The following CCDC33 variants were observed in gnomAD, a reference collection of about 807,000 sequenced individuals.
CCDC33 encodes the protein coiled-coil domain containing 33.
CCDC33 carries 94 observed loss-of-function variants against 91.9 expected under a neutral mutation model. That is an observed-to-expected ratio of 1.02 (90% CI 0.87 to 1.21). The LOEUF (loss-of-function observed/expected upper bound fraction) is 1.21, where lower values mean the gene tolerates loss of function less well. Among genes scored for constraint, CCDC33 ranks in the 50% most tolerant of loss-of-function variants. The pLI is 0.00. For missense variants in CCDC33, 940 were observed against 935.5 expected, an observed-to-expected ratio of 1.00 and a Z score of -0.06; for synonymous variants, 396 against 374.5, an observed-to-expected ratio of 1.06 and a Z score of -0.66.
In CCDC33 at chr15:74,244,525, T is replaced by G. The variant is rs1278657320; in HGVS notation, c.185+377T>G. Among the ~76,000 whole-genome samples, 1 of 151,994 alleles carries G rather than the reference T, an allele frequency of 6.6e-6. No homozygotes were observed. Among genetic ancestry groups the G allele is most frequent in the Non-Finnish European group, 1.5e-5 (1 of 67,960 alleles). ...GGACCTGCCTCTCCTGACTTCTGGG[T>G]GCCCCACCCCACCATACCCAGCCCT... On this transcript the variant is annotated intron_variant, in intron 2 of 18. Coordinates refer to ENST00000398814, the MANE Select transcript of CCDC33 (RefSeq NM_025055.5). This position sits in a 1 kb window ranked among gnomAD's most constrained non-coding sequence, Gnocchi z 4.2.
intron 10 of CCDC33, 122 bp from the exon 11 acceptor site, chr15:74,295,632 C>T (rs1428600904): frequency 8.9e-6 from 7 of 787,148 alleles, no homozygotes; most frequent in Non-Finnish European, 1.4e-5. Flanking sequence ...GTGCACGGGC[C>T]AGCCATGCAG....
chr15:74,335,837 G>C (rs1567048188), intron 18 of CCDC33, 88 bp from the exon 19 acceptor site: 1 of 1,007,068 alleles, frequency 9.9e-7, no homozygotes, highest in Non-Finnish European at 1.5e-6. Context: ...TGGATACTCT[G>C]AGGCCTGGTT....
intron 3 of CCDC33, 71 bp from the exon 4 acceptor site, chr15:74,266,607 C>T: frequency 1.9e-6 from 2 of 1,076,994 alleles, no homozygotes; most frequent in South Asian, 2.6e-5. Context: ...TCACCTCTCA[C>T]TGTCTCTCCT....
At chr15:74,324,261 G>A (rs1370583589) in intron 11 of CCDC33, among the ~76,000 whole-genome samples, 1 of 151,922 alleles carries the variant, frequency 6.6e-6, no homozygotes, top group Non-Finnish European at 1.5e-5. Flanking sequence ...CGGCTCTTTT[G>A]CTCACCTTGA....
At chr15:74,267,566 C>G (rs2076200325) in intron 4 of CCDC33, among the ~76,000 whole-genome samples, 1 of 151,054 alleles carries the variant, frequency 6.6e-6, no homozygotes, top group African/African-American at 2.5e-5. Context: ...TACTATGTGC[C>G]AGGTAGTGAG....
chr15:74,308,358 G>GACACACACACACACACACAC (rs3057604), intron 11 of CCDC33, among the ~76,000 whole-genome samples: 1 of 145,902 alleles, frequency 6.9e-6, no homozygotes, highest in African/African-American at 2.6e-5. Flanking sequence ...CAGACAGACA[G>GACACACACACACACACACAC]ACACACACAC....
chr15:74,236,961 G>C (rs940036865), intron 1 of CCDC33, among the ~76,000 whole-genome samples: 2 of 152,234 alleles, frequency 1.3e-5, no homozygotes, highest in Non-Finnish European at 2.9e-5. Context: ...CAGTGTACTT[G>C]CAGGTGTTGT....
At chr15:74,281,459 G>A (rs1295196074) in intron 9 of CCDC33, among the ~76,000 whole-genome samples, 4 of 152,208 alleles carry the variant, frequency 2.6e-5, no homozygotes, top group African/African-American at 4.8e-5. Context: ...GAATAATATC[G>A]TTACCATCAT....
intron 11 of CCDC33, among the ~76,000 whole-genome samples, chr15:74,327,895 A>G (rs1159491695): frequency 6.6e-6 from 1 of 152,184 alleles, no homozygotes; most frequent in African/African-American, 2.4e-5. Flanking sequence ...GTGTGTCAGT[A>G]TAATAAAATC....
At chr15:74,296,608 A>G (rs2059692751) in intron 11 of CCDC33, among the ~76,000 whole-genome samples, 1 of 152,192 alleles carries the variant, frequency 6.6e-6, no homozygotes, top group African/African-American at 2.4e-5. Flanking sequence ...CCTGGGCAAC[A>G]AGAGTGAAAC....
chr15:74,295,918 A>G lies in CCDC33; in HGVS notation c.1260A>G (p.Glu420=), dbSNP rs772176628. ...STSTPREAEE[E]PLVPEMSHDT... ...CCACTCCACGAGAAGCAGAGGAGGA[A>G]CCTCTGGTGCCTGAGATGTCCCATG... Residue 420 remains glutamate (E), a synonymous_variant, in exon 11 of 19, where the codon GAA becomes GAG. Transcript: ENST00000398814. 1 of 1,613,542 alleles carries G rather than the reference A, an allele frequency of 6.2e-7. No individual in the cohort carries two copies. Among genetic ancestry groups the G allele is most frequent in the Non-Finnish European group, 8.5e-7 (1 of 1,179,782 alleles).
intron 7 of CCDC33, among the ~76,000 whole-genome samples, chr15:74,273,454 G>A (rs995057749): frequency 2.0e-5 from 3 of 152,210 alleles, no homozygotes; most frequent in Non-Finnish European, 4.4e-5. Flanking sequence ...GTTGTGTTAC[G>A]TATATTTTAA....
chr15:74,254,473 C>T (rs781080348), intron 2 of CCDC33, among the ~76,000 whole-genome samples: 2 of 152,226 alleles, frequency 1.3e-5, no homozygotes, highest in East Asian at 1.9e-4. Context: ...CAACCCAACT[C>T]GGACACCACC....
rs2059671445 is a variant in CCDC33 at position 74,295,676 on chromosome 15, G to A, written c.1096-78G>A. The A allele has an allele frequency of 7.2e-6, 9 of 1,257,564 alleles. No homozygotes were observed. The South Asian group carries it at 1.3e-4, about 18-fold the overall frequency. The allele number at this position is 1,257,564 out of a possible 1,614,324, so 77.9% of individuals were successfully genotyped here. A position where few individuals can be genotyped will look rare whatever the true frequency, so the allele number is the denominator to read the frequency against. On this transcript the variant is annotated intron_variant, in intron 10 of 18. Coordinates refer to ENST00000398814, the MANE Select transcript of CCDC33 (RefSeq NM_025055.5). The stretch of plus-strand genomic sequence containing the variant: ...GAGCCATGAGGAGGAGAGGCTTGGG[G>A]TGTAGATGGTGTGCTTATGGTAGAT...
intron 10 of CCDC33, among the ~76,000 whole-genome samples, 167 bp from the exon 11 acceptor site, chr15:74,295,587 G>A (rs1374487660): frequency 6.6e-6 from 1 of 152,150 alleles, no homozygotes; most frequent in African/African-American, 2.4e-5. Context: ...CCATGTATTT[G>A]GGACCCGGTG....
chr15:74,245,420 G>C (rs900459128), intron 2 of CCDC33, among the ~76,000 whole-genome samples: 1 of 152,262 alleles, frequency 6.6e-6, no homozygotes. Context: ...TCCGTGGTGA[G>C]GGAAGCACAG....
At chr15:74,310,481 G>A (rs2059971103) in intron 11 of CCDC33, among the ~76,000 whole-genome samples, 2 of 150,544 alleles carry the variant, frequency 1.3e-5, no homozygotes, top group South Asian at 4.2e-4. Flanking sequence ...AGGTTGCAGT[G>A]AGCCGAGATC....
chr15:74,315,724 G>A (rs556743172), intron 11 of CCDC33, among the ~76,000 whole-genome samples: 4 of 152,330 alleles, frequency 2.6e-5, no homozygotes, highest in Non-Finnish European at 4.4e-5. Context: ...TGGGGGAACT[G>A]CGTGAGCAAA....
chr15:74,230,337 C>A (rs1468764684), intron 2 of CCDC33, among the ~76,000 whole-genome samples: 3 of 152,184 alleles, frequency 2.0e-5, no homozygotes, highest in Admixed American at 6.5e-5. Context: ...AGACCCCCCA[C>A]CCAACCTTGG....
Sources: gnomAD v4.1 joint callset for allele counts (sites outside exome capture counted in the v4.1 genomes callset) on GRCh38, gnomAD v4.1.1 for gene constraint, Gnocchi (gnomAD v3.1) non-coding constraint, MANE v1.5 for transcripts, NCBI Gene and HGNC (gene_info 2026-07-23, HGNC 2026-07-21) for gene names.